The following TMEM132D variants were observed in gnomAD, a reference collection of about 807,000 sequenced individuals.
The protein encoded by TMEM132D is mature OL transmembrane protein.
TMEM132D carries 21 observed loss-of-function variants against 62.3 expected under a neutral mutation model. The observed-to-expected ratio is 0.34, with a 90% CI of 0.24 to 0.49. The LOEUF is 0.49. Ranked by LOEUF, TMEM132D falls within the 20% of genes least tolerant of loss-of-function variation. The pLI, the probability that TMEM132D is intolerant of heterozygous loss-of-function variation, is 0.99. For missense variants in TMEM132D, 1,346 were observed against 1,402.8 expected (o/e 0.96, Z 0.65); for synonymous variants, 621 against 575.6 (o/e 1.08, Z -1.13).
intron 3 of TMEM132D, among the ~76,000 whole-genome samples, chr12:129,354,315 G>GTATATATATATATA (rs35875993): frequency 0.014 from 2,044 of 147,932 alleles, 58 homozygotes; most frequent in African/African-American, 0.049. Context: ...ACTTTATTGG[G>GTATATATATATATA]TATATATATA....
At chr12:129,570,907 G>A (rs910509932) in intron 2 of TMEM132D, among the ~76,000 whole-genome samples, 3 of 152,164 alleles carry the variant, frequency 2.0e-5, no homozygotes, top group South Asian at 2.1e-4. Flanking sequence ...AGTAAACAAT[G>A]ACTCGTCTGC....
rs1031509052 is a variant in TMEM132D at position 129,867,125 on chromosome 12, T to C, written c.79+36136A>G. On this transcript the variant is annotated intron_variant, in intron 1 of 8. Transcript: ENST00000422113. The surrounding 1 kb of genome is among the most constrained non-coding windows in gnomAD (Gnocchi z 4.5). ...AAATACAGAAATTAGCTGGGCACGG[T>C]GGTATGTGCCTGTAGTCCTAGCTAC... 6.6e-6 allele frequency among the ~76,000 whole-genome samples: 1 copy of C among 150,890 alleles called. No homozygotes were observed. Among genetic ancestry groups the C allele is most frequent in the Non-Finnish European group, 1.5e-5 (1 of 67,838 alleles).
intron 5 of TMEM132D, among the ~76,000 whole-genome samples, chr12:129,098,684 T>C (rs1875192197): frequency 6.6e-6 from 1 of 152,206 alleles, no homozygotes. Flanking sequence ...CAGTCTCTCC[T>C]GCCTGCTCAC....
At chr12:129,182,100 G>A (rs1252154125) in intron 5 of TMEM132D, among the ~76,000 whole-genome samples, 2 of 152,160 alleles carry the variant, frequency 1.3e-5, no homozygotes, top group African/African-American at 4.8e-5. Flanking sequence ...GGTGTCTCAT[G>A]CCTGTAAACC....
chr12:129,106,735 A>G (rs1411776293), intron 5 of TMEM132D, among the ~76,000 whole-genome samples: 4 of 152,118 alleles, frequency 2.6e-5, no homozygotes, highest in South Asian at 4.1e-4. Flanking sequence ...CTGGCCAATG[A>G]CGTGGGAGTA....
intron 2 of TMEM132D, among the ~76,000 whole-genome samples, chr12:129,624,429 G>A (rs183514384): frequency 1.1e-4 from 17 of 152,360 alleles, no homozygotes; most frequent in Admixed American, 1.1e-3. Context: ...GTGGAACAAA[G>A]AAGAACCAGT....
chr12:129,365,734 T>C (rs1187623017), intron 3 of TMEM132D, among the ~76,000 whole-genome samples: 5 of 152,056 alleles, frequency 3.3e-5, no homozygotes, highest in African/African-American at 4.8e-5. Flanking sequence ...CCTCAATGTG[T>C]CAATCACTGG....
In TMEM132D at chr12:129,824,223, C is replaced by T. The variant is rs529025207; in HGVS notation, c.79+79038G>A. 4.2e-4 allele frequency among the ~76,000 whole-genome samples: 64 copies of T among 152,296 alleles called. 3 individuals are homozygous for T. The South Asian group carries it at 0.013, about 31-fold the overall frequency. On this transcript the variant is annotated intron_variant, in intron 1 of 8. Coordinates refer to ENST00000422113, the MANE Select transcript of TMEM132D (RefSeq NM_133448.3). The stretch of plus-strand genomic sequence containing the variant: ...TTTTGAAGCAGTTTTAATCTTCTTC[C>T]AGTAACGGCTCTCAACTTTATTCCA...
intron 4 of TMEM132D, among the ~76,000 whole-genome samples, chr12:129,217,727 T>TG (rs1365538150): frequency 6.6e-6 from 1 of 151,822 alleles, no homozygotes; most frequent in Non-Finnish European, 1.5e-5. Context: ...GGTAGCATTT[T>TG]TTACAGAGGT....
At chr12:129,082,627 G>A (rs949563900) in intron 6 of TMEM132D, among the ~76,000 whole-genome samples, 5 of 152,180 alleles carry the variant, frequency 3.3e-5, no homozygotes, top group East Asian at 1.9e-4. Flanking sequence ...TGGGACCCCA[G>A]CCCCACTGAC....
Position 129,073,815 on chromosome 12 carries a change from A to T in TMEM132D, c.*60T>A. On this transcript the variant is annotated 3_prime_UTR_variant, in exon 9 of 9. Transcript: ENST00000422113. ...TTTCTCTTCCGGGGGCACCGTTGCT[A>T]CACATCCTGGAATTAAAGGCTGAAA... 1 of 1,420,144 alleles carries T rather than the reference A, an allele frequency of 7.0e-7. No homozygotes were observed. Among genetic ancestry groups the T allele is most frequent in the Non-Finnish European group, 9.5e-7 (1 of 1,047,886 alleles). The allele number at this position is 1,420,144 out of a possible 1,614,324, so 88.0% of individuals were successfully genotyped here. A position where few individuals can be genotyped will look rare whatever the true frequency, so the allele number is the denominator to read the frequency against.
chr12:129,448,304 A>G (rs1449370656), intron 3 of TMEM132D, among the ~76,000 whole-genome samples: 2 of 152,128 alleles, frequency 1.3e-5, no homozygotes, highest in Non-Finnish European at 2.9e-5. Flanking sequence ...GTTGTTGTGC[A>G]GATTATTTCA....
chr12:129,338,927 CA>C (rs1457984026), intron 3 of TMEM132D, among the ~76,000 whole-genome samples: 2 of 151,528 alleles, frequency 1.3e-5, no homozygotes, highest in East Asian at 3.9e-4. Flanking sequence ...ACTAGAAGAT[CA>C]GGGGAGATTC....
At chr12:129,736,771 T>C (rs1414402269) in intron 1 of TMEM132D, among the ~76,000 whole-genome samples, 1 of 151,860 alleles carries the variant, frequency 6.6e-6, no homozygotes, top group East Asian at 1.9e-4. Flanking sequence ...AGGAACATTA[T>C]TATATCTGTG....
At chr12:129,379,924 G>C (rs1434051775) in intron 3 of TMEM132D, among the ~76,000 whole-genome samples, 1 of 152,184 alleles carries the variant, frequency 6.6e-6, no homozygotes, top group Non-Finnish European at 1.5e-5. Flanking sequence ...TCAACGTGGA[G>C]AGGTTGGAAA....
chr12:129,269,196 T>A (rs929052330), intron 4 of TMEM132D, among the ~76,000 whole-genome samples: 6 of 152,218 alleles, frequency 3.9e-5, no homozygotes, highest in Non-Finnish European at 8.8e-5. Context: ...TTTTTTATTC[T>A]GCATTCTGAT....
chr12:129,267,658 T>G (rs1196266579), intron 4 of TMEM132D, among the ~76,000 whole-genome samples: 1 of 152,174 alleles, frequency 6.6e-6, no homozygotes, highest in African/African-American at 2.4e-5. Context: ...CCAATGACTT[T>G]CTTCACAGAA....
At position 129,514,798 on chromosome 12, in the gene TMEM132D, C is replaced by G. The variant is rs1875624932; in HGVS notation, c.1115+16261G>C. ...CATTCTCTTGATAGCTATGATTTGT[C>G]TGAAGCTGAAGCCCTCAGGAAGGAA... is the stretch of plus-strand genomic sequence containing the variant. On this transcript the variant is annotated intron_variant, in intron 3 of 8. Transcript: ENST00000422113. Among the ~76,000 whole-genome samples, 3 of 152,108 alleles carry G rather than the reference C, an allele frequency of 2.0e-5. No homozygotes were observed. In the South Asian group the frequency reaches 6.2e-4, roughly 32 times the overall value.
chr12:129,524,926 TC>T (rs1201411182), intron 3 of TMEM132D, among the ~76,000 whole-genome samples: 1,369 of 75,696 alleles, frequency 0.018, 100 homozygotes, highest in African/African-American at 0.046. Flanking sequence ...TTTTCTTTTT[TC>T]TTTTTTTTTT....
Sources: allele counts gnomAD v4.1 joint callset (sites outside exome capture counted in the v4.1 genomes callset), GRCh38; gene constraint gnomAD v4.1.1; non-coding constraint Gnocchi (gnomAD v3.1); transcripts MANE v1.5; gene names NCBI Gene and HGNC (gene_info 2026-07-23, HGNC 2026-07-21).